Variants in RTCA observed in about 807,000 individuals in gnomAD.
The protein encoded by RTCA is RNA terminal phosphate cyclase domain 1.
A neutral mutation model predicts 46.1 loss-of-function variants in RTCA; 37 were observed. That is an observed-to-expected ratio of 0.80 (90% CI 0.62 to 1.06). The LOEUF is 1.06. Among genes scored for constraint, RTCA ranks in the 50% least tolerant of loss-of-function variants. The pLI is 0.00. For synonymous variants in RTCA, 164 were observed against 158.3 expected (o/e 1.04, Z -0.27); for missense variants, 435 against 455.5 (o/e 0.95, Z 0.41).
chr1:100,279,220 A>G (rs1442598779), intron 8 of RTCA, among the ~76,000 whole-genome samples: 2 of 152,194 alleles, frequency 1.3e-5, no homozygotes, highest in Non-Finnish European at 2.9e-5. Context: ...TGTGCCAGGT[A>G]CTGTGTACTA....
intron 2 of RTCA, chr1:100,267,679 T>A: frequency 1.3e-6 from 1 of 798,968 alleles, no homozygotes; most frequent in Non-Finnish European, 1.8e-6. Context: ...AGGACACCAG[T>A]AAGATTGTAT....
intron 3 of RTCA, among the ~76,000 whole-genome samples, chr1:100,268,901 C>G (rs1665927138): frequency 1.3e-5 from 2 of 152,076 alleles, no homozygotes; most frequent in South Asian, 4.2e-4. Context: ...ATTTAGAAAA[C>G]AACCAGGCCA....
Position 100,289,295 on chromosome 1 carries a change from ATT to A in RTCA, c.1000-2099_1000-2098del, listed in dbSNP as rs879564128. 7.7e-3 allele frequency among the ~76,000 whole-genome samples: 1,153 copies of A among 149,596 alleles called. 10 individuals are homozygous for A. Among genetic ancestry groups the A allele is most frequent in the African/African-American group, 0.018 (748 of 40,658 alleles). On this transcript the variant is annotated intron_variant, in intron 10 of 10. Coordinates refer to ENST00000370128, the MANE Select transcript of RTCA (RefSeq NM_003729.4). Reference sequence around the variant, plus strand: ...AGCTGTGCACCACCACACCCTGCTAATTTTTTTTTTGTTTTTGTTTTTGTTTT... The same window carrying A: ...AGCTGTGCACCACCACACCCTGCTAATTTTTTTTGTTTTTGTTTTTGTTTT...
At chr1:100,276,254 TTA>T (rs1329560298) in intron 7 of RTCA, among the ~76,000 whole-genome samples, 2 of 152,224 alleles carry the variant, frequency 1.3e-5, no homozygotes, top group African/African-American at 2.4e-5. Context: ...TCCCTTTCCC[TTA>T]TATAGTGAAC....
At chr1:100,267,346 TA>T (rs1665840681) in intron 2 of RTCA, 2 of 747,498 alleles carry the variant, frequency 2.7e-6, no homozygotes, top group Admixed American at 7.0e-5. Flanking sequence ...ATGTTAATGT[TA>T]ATTGCCTTTG....
At chr1:100,285,102 AGTGGG>A (rs1230098278) in intron 8 of RTCA, 121 bp from the exon 9 acceptor site, 90 of 654,182 alleles carry the variant, frequency 1.4e-4, no homozygotes, top group Non-Finnish European at 2.3e-4. Context: ...AGGTGCATTG[AGTGGG>A]TTTTTGAGGC....
intron 10 of RTCA, among the ~76,000 whole-genome samples, chr1:100,288,516 C>T (rs897515488): frequency 3.3e-5 from 5 of 151,976 alleles, no homozygotes; most frequent in African/African-American, 1.2e-4. Context: ...CGCAGCCTCC[C>T]AAGTAGCTGG....
At chr1:100,279,882 TTCTGAAAGGCTATAGGTTATA>T in intron 8 of RTCA, among the ~76,000 whole-genome samples, 1 of 152,344 alleles carries the variant, frequency 6.6e-6, no homozygotes, top group East Asian at 1.9e-4. Context: ...ACAGGCCAGA[TTCTGAAAGGCTATAGGTTATA>T]TCTAGGAATT....
intron 8 of RTCA, among the ~76,000 whole-genome samples, chr1:100,280,828 C>T (rs141912695): frequency 1.3e-5 from 2 of 152,188 alleles, no homozygotes; most frequent in East Asian, 3.9e-4. Context: ...ATGGCGAAAC[C>T]CTGTCTCTAC....
chr1:100,272,850 TATATAAG>T (rs1219523737), intron 4 of RTCA, among the ~76,000 whole-genome samples: 4 of 152,232 alleles, frequency 2.6e-5, no homozygotes, highest in African/African-American at 9.6e-5. Context: ...TAATTATCAT[TATATAAG>T]ATATATCATT....
Position 100,268,278 on chromosome 1 carries a change from A to G in RTCA, c.273A>G (p.Ala91=), listed in dbSNP as rs1018570278. 2 of 1,613,052 alleles carry G rather than the reference A, an allele frequency of 1.2e-6. No homozygotes were observed. Among genetic ancestry groups the G allele is most frequent in the African/African-American group, 1.3e-5 (1 of 74,944 alleles). Residue 91 remains alanine, a synonymous_variant, in exon 3 of 11, where the codon GCA becomes GCG. Coordinates refer to ENST00000370128, the MANE Select transcript of RTCA (RefSeq NM_003729.4). ...AGATCAAAGGTGGAATCCACACAGC[A>G]GATACCAAGACAGCAGGGTATGTAT... ...PEKIKGGIHT[A]DTKTAGSVCL... is the part of the protein sequence containing the mutation.
At chr1:100,267,105 A>C in intron 2 of RTCA, 1 of 219,386 alleles carries the variant, frequency 4.6e-6, no homozygotes. Context: ...TATGACCAGA[A>C]TTATCTGTTG....
At chr1:100,267,637 C>A in intron 2 of RTCA, 7 of 1,232,166 alleles carry the variant, frequency 5.7e-6, no homozygotes, top group South Asian at 2.2e-5. Flanking sequence ...CCCCTAGCGT[C>A]TCTGTATGTT....
intron 7 of RTCA, among the ~76,000 whole-genome samples, chr1:100,276,476 A>G (rs1666388500): frequency 6.6e-6 from 1 of 152,162 alleles, no homozygotes; most frequent in Admixed American, 6.5e-5. Context: ...CAAGAGATCA[A>G]GATCATCCTG....
chr1:100,267,641 G>T, intron 2 of RTCA: 2 of 1,125,266 alleles, frequency 1.8e-6, no homozygotes, highest in East Asian at 3.1e-5. Context: ...TAGCGTCTCT[G>T]TATGTTCTAG....
intron 4 of RTCA, among the ~76,000 whole-genome samples, 169 bp from the exon 5 acceptor site, chr1:100,273,225 A>G (rs776192539): frequency 2.0e-5 from 3 of 152,172 alleles, no homozygotes; most frequent in Non-Finnish European, 2.9e-5. Flanking sequence ...ATTTAGCTAC[A>G]TATCAGTTTT....
At position 100,273,624 on chromosome 1, in the gene RTCA, T is replaced by C. The variant is rs944940209; in HGVS notation, c.473+172T>C. 3.3e-5 allele frequency among the ~76,000 whole-genome samples: 5 copies of C among 152,200 alleles called. 1 individual carries two copies. The highest frequency in any genetic ancestry group is 7.3e-5 in the Non-Finnish European group (5 of 68,036). On this transcript the variant is annotated intron_variant, in intron 5 of 10. Coordinates refer to ENST00000370128, the MANE Select transcript of RTCA (RefSeq NM_003729.4). ...TAATGAATAGCAGGAGCATGGGGAC[T>C]CGAGAGCAGCTACACATCATGGTTA...
intron 2 of RTCA, chr1:100,267,330 A>G (rs1305398019): frequency 5.1e-6 from 3 of 593,992 alleles, no homozygotes; most frequent in Non-Finnish European, 7.8e-6. Flanking sequence ...AAAGGCAATT[A>G]CTGATATGTT....
chr1:100,273,368 C>T, intron 4 of RTCA, 26 bp from the exon 5 acceptor site: 2 of 1,478,950 alleles, frequency 1.4e-6, no homozygotes, highest in Non-Finnish European at 1.9e-6. Flanking sequence ...GCTGATTAAC[C>T]TAATGATAAA....
Sources: allele counts gnomAD v4.1 joint callset (sites outside exome capture counted in the v4.1 genomes callset), GRCh38; gene constraint gnomAD v4.1.1; transcripts MANE v1.5; gene names NCBI Gene and HGNC (gene_info 2026-07-23, HGNC 2026-07-21).